Variants in ULK4 observed in about 807,000 individuals in gnomAD.
ULK4 encodes unc-51 like kinase 4.
Under a neutral mutation model 160.6 loss-of-function variants are expected in ULK4, and 133 were observed. The observed-to-expected ratio is 0.83, with a 90% CI of 0.72 to 0.96. The LOEUF is 0.96. ULK4 is among the 40% of genes least tolerant of loss of function. The pLI is 0.00. For synonymous variants in ULK4, 534 were observed against 539.8 expected (o/e 0.99, Z 0.15); for missense variants, 1,580 against 1,499.5 (o/e 1.05, Z -0.89).
intron 29 of ULK4, among the ~76,000 whole-genome samples, chr3:41,664,569 A>T (rs1575545762): frequency 1.3e-5 from 2 of 152,288 alleles, no homozygotes; most frequent in African/African-American, 4.8e-5. Flanking sequence ...TCAAAATTCC[A>T]GATTCCCGGA....
At chr3:41,780,429 G>A (rs2039799308) in intron 21 of ULK4, among the ~76,000 whole-genome samples, 1 of 151,864 alleles carries the variant, frequency 6.6e-6, no homozygotes, top group African/African-American at 2.4e-5. Context: ...AAAATATCGT[G>A]GCACCCACCA....
chr3:41,649,574 T>C (rs1343127707), intron 30 of ULK4, among the ~76,000 whole-genome samples: 1 of 152,310 alleles, frequency 6.6e-6, no homozygotes, highest in African/African-American at 2.4e-5. Flanking sequence ...GCAACCCAGC[T>C]GGGGGTGTCC....
chr3:41,463,023 A>G (rs2083726669), intron 33 of ULK4, 64 bp downstream of exon 33: 9 of 1,527,496 alleles, frequency 5.9e-6, no homozygotes, highest in Non-Finnish European at 8.0e-6. Flanking sequence ...AAGAAAGAAG[A>G]GAATGAAAGG....
intron 35 of ULK4, among the ~76,000 whole-genome samples, chr3:41,368,578 T>G (rs1466458189): frequency 6.6e-6 from 1 of 152,232 alleles, no homozygotes; most frequent in East Asian, 1.9e-4. Flanking sequence ...ATTTGTAGAT[T>G]CCACATATCA....
intron 30 of ULK4, among the ~76,000 whole-genome samples, chr3:41,626,213 A>G (rs2033497814): frequency 1.3e-5 from 2 of 152,206 alleles, no homozygotes; most frequent in East Asian, 3.8e-4. Flanking sequence ...TTAAGAATAC[A>G]TTATTTCACA....
At chr3:41,743,466 G>A (rs2038308895) in intron 22 of ULK4, among the ~76,000 whole-genome samples, 1 of 151,690 alleles carries the variant, frequency 6.6e-6, no homozygotes, top group Admixed American at 6.6e-5. Flanking sequence ...TCTAAAGAAA[G>A]TTCTCTAATC....
chr3:41,522,139 T>TG lies in ULK4; in HGVS notation c.3226+43885_3226+43886insC, dbSNP rs1484978984. 1.8e-4 allele frequency among the ~76,000 whole-genome samples: 27 copies of TG among 150,962 alleles called. 1 individual carries two copies. The highest frequency in any genetic ancestry group is 3.7e-4 in the Non-Finnish European group (25 of 67,680). ...TTTTTTCTTTTTTTTCTTTTTTTTT[T>TG]TTTTTGAGACCGAGTCTTACTCTGT... On this transcript the variant is annotated intron_variant, in intron 32 of 36. Transcript: ENST00000301831.
intron 35 of ULK4, among the ~76,000 whole-genome samples, chr3:41,314,053 T>A (rs1185555853): frequency 6.6e-6 from 1 of 152,150 alleles, no homozygotes; most frequent in East Asian, 1.9e-4. Context: ...AGCCTTCAGA[T>A]GATTCCAACC....
chr3:41,468,440 A>G lies in ULK4; in HGVS notation c.3227-5187T>C, dbSNP rs191647497. Among the ~76,000 whole-genome samples the G allele has an allele frequency of 7.9e-5, 12 of 152,324 alleles. No individual in the cohort carries two copies. The East Asian group carries it at 2.3e-3, about 29-fold the overall frequency. ...AATGTAAAGTAATGGATATCAAGGA[A>G]TAACTAGAATTAAAAAGAAAATGGG... On this transcript the variant is annotated intron_variant, in intron 32 of 36. Coordinates refer to ENST00000301831, the MANE Select transcript of ULK4 (RefSeq NM_017886.4).
At chr3:41,640,208 C>G (rs1220692807) in intron 30 of ULK4, among the ~76,000 whole-genome samples, 2 of 152,170 alleles carry the variant, frequency 1.3e-5, no homozygotes, top group African/African-American at 2.4e-5. Flanking sequence ...ACTGGACCAG[C>G]TAGGAAAGCT....
At position 41,566,110 on chromosome 3, in the gene ULK4, C is replaced by G; in HGVS notation, c.3141G>C (p.Leu1047=). The part of the protein sequence containing the change: ...EVTLEHQESI[L]GNTMQSVIAL... The stretch of plus-strand genomic sequence containing the variant: ...CAATCACACTTTGCATGGTATTACC[C>G]AGAATGCTCTCCTGATGTTCCTGCA... The change falls in exon 32 of 37, where the codon CTG becomes CTC. Residue 1047 remains leucine, a synonymous_variant. Transcript: ENST00000301831. 1 of 1,613,050 alleles carries G rather than the reference C, an allele frequency of 6.2e-7. No homozygotes were observed. The highest frequency in any genetic ancestry group is 1.1e-5 in the South Asian group (1 of 90,898).
intron 34 of ULK4, among the ~76,000 whole-genome samples, chr3:41,411,788 T>A (rs536427228): frequency 6.6e-6 from 1 of 152,098 alleles, no homozygotes; most frequent in African/African-American, 2.4e-5. Flanking sequence ...AAATTTTAAA[T>A]CTACCTATAA....
In ULK4 at chr3:41,839,906, T is replaced by C. The variant is rs143248253; in HGVS notation, c.1657-3935A>G. ...GGATTTGTATGCTGAAACTACACAA[T>C]GCTATTTAAAAAAATCAAAGAACAT... On this transcript the variant is annotated intron_variant, in intron 17 of 36. Coordinates refer to ENST00000301831, the MANE Select transcript of ULK4 (RefSeq NM_017886.4). 6.5e-3 allele frequency among the ~76,000 whole-genome samples: 996 copies of C among 152,188 alleles called. 8 individuals carry two copies. Among genetic ancestry groups the C allele is most frequent in the African/African-American group, 0.023 (962 of 41,518 alleles).
intron 34 of ULK4, among the ~76,000 whole-genome samples, chr3:41,431,398 A>G (rs2082904066): frequency 6.8e-6 from 1 of 147,440 alleles, no homozygotes. Context: ...TAATAATAAT[A>G]CCCCTACCAA....
chr3:41,614,103 T>A (rs922892182), intron 31 of ULK4, among the ~76,000 whole-genome samples: 8 of 152,214 alleles, frequency 5.3e-5, no homozygotes, highest in East Asian at 1.9e-4. Context: ...CCAAAAGGAA[T>A]TTTTTATGTT....
At chr3:41,481,044 C>T (rs2084307645) in intron 32 of ULK4, among the ~76,000 whole-genome samples, 1 of 152,146 alleles carries the variant, frequency 6.6e-6, no homozygotes, top group Admixed American at 6.5e-5. Flanking sequence ...GTGTATAATA[C>T]ATAAAACATA....
At position 41,417,143 on chromosome 3, in the gene ULK4, T is replaced by C. The variant is rs17056880; in HGVS notation, c.3493-18879A>G. ...GTGAGAGACAGTGAAGAGTGAAGCA[T>C]ACGTTGATGCAGTGAAGCATTCTGT... On this transcript the variant is annotated intron_variant, in intron 34 of 36. Transcript: ENST00000301831. Among the ~76,000 whole-genome samples, 492 of 152,272 alleles carry C rather than the reference T, an allele frequency of 3.2e-3. 10 individuals carry two copies. Among genetic ancestry groups the C allele is most frequent in the African/African-American group, 0.012 (483 of 41,562 alleles).
rs570011108 is a variant in ULK4, at chr3:41,543,181, G to A, written c.3226+22844C>T. Among the ~76,000 whole-genome samples, 461 of 152,100 alleles carry A rather than the reference G, an allele frequency of 3.0e-3. 1 individual carries two copies. Among genetic ancestry groups the A allele is most frequent in the Non-Finnish European group, 5.3e-3 (357 of 67,938 alleles). ...CCTTCTGTTTTTCTACTTTTTAAAT[G>A]AAAGTGTCTATAGTGGTGCTTCTTT... On this transcript the variant is annotated intron_variant, in intron 32 of 36. Transcript: ENST00000301831.
chr3:41,937,327 A>C, intron 3 of ULK4: 1 of 695,146 alleles, frequency 1.4e-6, no homozygotes, highest in South Asian at 1.5e-5. Context: ...GAAGTAATCA[A>C]CCATAATCCT....
Sources: gnomAD v4.1 joint callset for allele counts (sites outside exome capture counted in the v4.1 genomes callset) on GRCh38, gnomAD v4.1.1 for gene constraint, MANE v1.5 for transcripts, NCBI Gene and HGNC (gene_info 2026-07-23, HGNC 2026-07-21) for gene names.